The following FAM135B variants were observed in gnomAD, a reference collection of about 807,000 sequenced individuals.
FAM135B encodes the protein family with sequence similarity 135 member B.
Under a neutral mutation model 127.7 loss-of-function variants are expected in FAM135B, and 43 were observed. The observed-to-expected ratio is 0.34, with a 90% confidence interval of 0.26 to 0.43. FAM135B has a LOEUF of 0.43. Among genes scored for constraint, FAM135B ranks in the 20% least tolerant of loss-of-function variants. FAM135B has a pLI of 1.00. For missense variants in FAM135B, 1,558 were observed against 1,725.6 expected (o/e 0.90, Z 1.72); for synonymous variants, 670 against 665.1 (o/e 1.01, Z -0.11).
At chr8:138,217,806 T>C (rs895012872) in intron 7 of FAM135B, among the ~76,000 whole-genome samples, 9 of 152,180 alleles carry the variant, frequency 5.9e-5, no homozygotes, top group African/African-American at 2.2e-4. Context: ...TCAGTGTTCA[T>C]GAACTACCTG....
At chr8:138,156,909 C>T (rs1022363091) in intron 12 of FAM135B, among the ~76,000 whole-genome samples, 5 of 152,110 alleles carry the variant, frequency 3.3e-5, no homozygotes, top group African/African-American at 9.7e-5. Flanking sequence ...CTATTCCAAT[C>T]AATAGAAAAA....
chr8:138,151,458 C>G lies in FAM135B; in HGVS notation c.3017G>C (p.Gly1006Ala), dbSNP rs1010404353. The change falls in exon 13 of 20, where the codon GGC becomes GCC. Residue 1006 changes from glycine to alanine, a missense_variant. Gly to Ala is a moderately conservative substitution (Grantham distance 60). Transcript: ENST00000395297. ...CAGATGGGACCCCATGATGGAAGTG[C>G]CTGCCTTCAGCTCTTGGTTTTTCAA... ...QVLKNQELKAGTSIMGSHLTS... is the reference protein window; with the variant it reads ...QVLKNQELKAATSIMGSHLTS... 2 of 1,614,200 alleles carry G rather than the reference C, an allele frequency of 1.2e-6. No homozygotes were observed. The highest frequency in any genetic ancestry group is 2.2e-5 in the South Asian group (2 of 91,070).
At chr8:138,484,319 T>C (rs1814903300) in intron 1 of FAM135B, among the ~76,000 whole-genome samples, 1 of 151,998 alleles carries the variant, frequency 6.6e-6, no homozygotes, top group African/African-American at 2.4e-5. Context: ...TATTTTGAGG[T>C]TTTATTTGGG....
At chr8:138,496,544 C>T (rs1815399784) in intron 1 of FAM135B, 127 bp downstream of exon 1, 1 of 152,422 alleles carries the variant, frequency 6.6e-6, no homozygotes, top group Admixed American at 6.5e-5. Flanking sequence ...GGAGATAAAC[C>T]ACATTTTGCG....
Position 138,250,969 on chromosome 8 carries a change from A to G in FAM135B, c.414T>C (p.Leu138=), listed in dbSNP as rs1821658999. The G allele has an allele frequency of 3.1e-6, 5 of 1,613,836 alleles. No individual in the cohort carries two copies. The highest frequency in any genetic ancestry group is 4.2e-6 in the Non-Finnish European group (5 of 1,180,008). The change falls in exon 6 of 20, where the codon CTT becomes CTC. Residue 138 remains leucine, a synonymous_variant. Coordinates refer to ENST00000395297, the MANE Select transcript of FAM135B (RefSeq NM_015912.4). ...AGAPMVSSRT[L]GLHFHPRNGL... is the part of the protein sequence containing the mutation. ...CATTCCGGGGGTGGAAGTGCAGGCC[A>G]AGCGTTCGGCTGCTGACCATCGGTG...
At chr8:138,176,487 T>C (rs1005127014) in intron 11 of FAM135B, among the ~76,000 whole-genome samples, 1 of 152,230 alleles carries the variant, frequency 6.6e-6, no homozygotes, top group Non-Finnish European at 1.5e-5. Context: ...CCTAGACTTG[T>C]CATTTCAACA....
intron 1 of FAM135B, among the ~76,000 whole-genome samples, chr8:138,432,215 A>G (rs1171107953): frequency 6.6e-6 from 1 of 152,200 alleles, no homozygotes; most frequent in Non-Finnish European, 1.5e-5. Context: ...TAAAGGTAAA[A>G]TGTTCCTTTA....
In FAM135B at chr8:138,151,747, C is replaced by T. The variant is rs1228380610; in HGVS notation, c.2728G>A (p.Asp910Asn). The part of the protein sequence containing the change: ...LEETPKGMPK[D>N]LNVGQQALSN... The stretch of plus-strand genomic sequence containing the variant: ...AGAGCTTGCTGACCCACATTCAAGT[C>T]TTTAGGCATGCCCTTTGGGGTTTCC... Residue 910 changes from aspartate (D) to asparagine (N), a missense_variant, in exon 13 of 20, where the codon GAC becomes AAC. By Grantham distance (23) the Asp-to-Asn change is conservative. Around this residue, in one of 5 missense-constraint regions of FAM135B, gnomAD observed 923 missense variants for 865.3 expected, o/e 1.07. Transcript: ENST00000395297. 1.2e-6 allele frequency: 2 copies of T among 1,614,164 alleles called. No homozygotes were observed. Among genetic ancestry groups the T allele is most frequent in the Admixed American group, 1.7e-5 (1 of 60,026 alleles).
chr8:138,322,862 T>C (rs983072640), intron 2 of FAM135B, among the ~76,000 whole-genome samples: 1 of 151,976 alleles, frequency 6.6e-6, no homozygotes, highest in African/African-American at 2.4e-5. Context: ...GATGCGGAGG[T>C]GAAACTCCGC....
chr8:138,333,843 T>C (rs1223968235), intron 2 of FAM135B, among the ~76,000 whole-genome samples: 1 of 152,158 alleles, frequency 6.6e-6, no homozygotes. Flanking sequence ...ACCTACTTAT[T>C]TGAGGAATGA....
rs1182742625 is a variant in FAM135B at position 138,355,166 on chromosome 8, C to A, written c.77+12741G>T. 2.6e-5 allele frequency among the ~76,000 whole-genome samples: 4 copies of A among 152,100 alleles called. No individual in the cohort carries two copies. In the East Asian group the frequency reaches 7.7e-4, roughly 29 times the overall value. On this transcript the variant is annotated intron_variant, in intron 2 of 19. Coordinates refer to ENST00000395297, the MANE Select transcript of FAM135B (RefSeq NM_015912.4). The stretch of plus-strand genomic sequence containing the variant: ...CATTGTGGAAGACAATGTAGCGATT[C>A]CTCAGAGATCTAGAACTAGAAATAC...
At chr8:138,288,356 G>A (rs957998881) in intron 3 of FAM135B, among the ~76,000 whole-genome samples, 5 of 152,170 alleles carry the variant, frequency 3.3e-5, no homozygotes, top group Non-Finnish European at 4.4e-5. Context: ...GAGAAAAAGA[G>A]AAAAGAGGCA....
chr8:138,138,979 C>A lies in FAM135B; in HGVS notation c.3901+7G>T, dbSNP rs1421923583. The A allele has an allele frequency of 3.8e-6, 6 of 1,576,616 alleles. No homozygotes were observed. Among genetic ancestry groups the A allele is most frequent in the Non-Finnish European group, 5.2e-6 (6 of 1,146,020 alleles). On this transcript the variant is annotated splice_region_variant and intron_variant, in intron 18 of 19. Coordinates refer to ENST00000395297, the MANE Select transcript of FAM135B (RefSeq NM_015912.4). ...TCATAACTGCAGCTGTGGGGGAAAC[C>A]ACTGACCTGTTTTTTGGCTTAGTTG...
At chr8:138,172,396 C>T (rs2130931887) in intron 11 of FAM135B, among the ~76,000 whole-genome samples, 1 of 152,348 alleles carries the variant, frequency 6.6e-6, no homozygotes, top group Non-Finnish European at 1.5e-5. Flanking sequence ...TTACCTCCAC[C>T]TGTAATGCAC....
chr8:138,155,240 A>G (rs985945380), intron 12 of FAM135B, among the ~76,000 whole-genome samples: 1 of 152,220 alleles, frequency 6.6e-6, no homozygotes, highest in African/African-American at 2.4e-5. Context: ...CAGACAAGCA[A>G]ATGCTGAGAG....
At chr8:138,261,258 G>T (rs765593003) in intron 4 of FAM135B, among the ~76,000 whole-genome samples, 1 of 152,094 alleles carries the variant, frequency 6.6e-6, no homozygotes, top group Non-Finnish European at 1.5e-5. Context: ...CTGTGATGCC[G>T]GTGCACCAAG....
At chr8:138,331,092 T>C (rs1160510348) in intron 2 of FAM135B, among the ~76,000 whole-genome samples, 1 of 152,154 alleles carries the variant, frequency 6.6e-6, no homozygotes, top group Non-Finnish European at 1.5e-5. Context: ...TCCACCTGCC[T>C]TGGCCTCCCA....
rs1267395027 is a variant in FAM135B at position 138,242,845 on chromosome 8, G to A, written c.669+97C>T. 6.8e-6 allele frequency: 10 copies of A among 1,475,328 alleles called. No homozygotes were observed. The highest frequency in any genetic ancestry group is 8.1e-6 in the Non-Finnish European group (9 of 1,106,832). 91.4% of individuals were successfully genotyped at this position (1,475,328 alleles called of 1,614,324 possible). ...AAGGGTCAAATTAGCAAAAATCTCT[G>A]AAGGGGATGTTTCAAAGAAGCATGA... On this transcript the variant is annotated intron_variant, in intron 7 of 19. Coordinates refer to ENST00000395297, the MANE Select transcript of FAM135B (RefSeq NM_015912.4). This position sits in a 1 kb window ranked among gnomAD's most constrained non-coding sequence, Gnocchi z 9.6.
chr8:138,482,856 C>A (rs568216933), intron 1 of FAM135B, among the ~76,000 whole-genome samples: 3 of 152,180 alleles, frequency 2.0e-5, no homozygotes, highest in African/African-American at 7.2e-5. Flanking sequence ...TGGAGTAGTA[C>A]TCTGAGATAC....
Sources: gnomAD v4.1 joint callset for allele counts (sites outside exome capture counted in the v4.1 genomes callset) on GRCh38, gnomAD v4.1.1 for gene constraint, gnomAD v4.1.1 regional missense constraint, Gnocchi (gnomAD v3.1) non-coding constraint, MANE v1.5 for transcripts, NCBI Gene and HGNC (gene_info 2026-07-23, HGNC 2026-07-21) for gene names.